ACO2: variants seen among roughly 807,000 people sequenced by gnomAD.
ACO2 encodes aconitate hydratase, mitochondrial.
Under a neutral mutation model 84.5 loss-of-function variants are expected in ACO2, and 31 were observed. The observed-to-expected ratio is 0.37, with a 90% CI of 0.28 to 0.50. The LOEUF (loss-of-function observed/expected upper bound fraction) is 0.50, where lower values mean the gene tolerates loss of function less well. Among genes scored for constraint, ACO2 ranks in the 20% least tolerant of loss-of-function variants. ACO2 has a pLI of 0.97. For missense variants in ACO2, 685 were observed against 1,029.3 expected (o/e 0.67, Z 4.58); for synonymous variants, 414 against 412.7 (o/e 1.00, Z -0.04).
At chr22:41,518,165 G>A (rs1025691526) in intron 7 of ACO2, among the ~76,000 whole-genome samples, 28 of 152,224 alleles carry the variant, frequency 1.8e-4, no homozygotes, top group African/African-American at 5.3e-4. Context: ...CCGTAAGCAC[G>A]TGGAATCCTT....
At chr22:41,487,630 A>C (rs1286335631) in intron 1 of ACO2, among the ~76,000 whole-genome samples, 2 of 152,130 alleles carry the variant, frequency 1.3e-5, no homozygotes, top group African/African-American at 4.8e-5. Flanking sequence ...CTCATCTGTC[A>C]AACAAAGAAA....
intron 9 of ACO2, chr22:41,521,336 T>A (rs993137186): frequency 1.3e-5 from 2 of 152,274 alleles, no homozygotes; most frequent in Non-Finnish European, 2.9e-5. Flanking sequence ...CTGCTGCTGC[T>A]GGGTACAGTG....
chr22:41,470,678 G>C (rs910629408), intron 1 of ACO2, among the ~76,000 whole-genome samples: 1 of 151,956 alleles, frequency 6.6e-6, no homozygotes, highest in African/African-American at 2.4e-5. Flanking sequence ...GAGTAGCTGG[G>C]ATTACAGGTG....
chr22:41,521,100 AAT>A (rs1446280219), intron 9 of ACO2, among the ~76,000 whole-genome samples: 8 of 152,106 alleles, frequency 5.3e-5, no homozygotes, highest in Non-Finnish European at 1.0e-4. Context: ...AGAAAAGAAA[AAT>A]ATGTTTATTG....
At chr22:41,484,685 C>G (rs1601885423) in intron 1 of ACO2, among the ~76,000 whole-genome samples, 1 of 151,842 alleles carries the variant, frequency 6.6e-6, no homozygotes, top group East Asian at 1.9e-4. Context: ...TAATTACATA[C>G]TTGCTATTCT....
At chr22:41,479,084 A>T (rs1305993011) in intron 1 of ACO2, among the ~76,000 whole-genome samples, 1 of 152,164 alleles carries the variant, frequency 6.6e-6, no homozygotes, top group Non-Finnish European at 1.5e-5. Flanking sequence ...TCTGTGGAAG[A>T]GCTTTTAGGG....
At position 41,500,055 on chromosome 22, in the gene ACO2, G is replaced by A. The variant is rs535692117; in HGVS notation, c.173+193G>A. 5.9e-5 allele frequency among the ~76,000 whole-genome samples: 9 copies of A among 152,262 alleles called. No homozygotes were observed. In the South Asian group the frequency reaches 1.9e-3, roughly 32 times the overall value. On this transcript the variant is annotated intron_variant, in intron 2 of 17. Transcript: ENST00000216254. ...GTAACTTCTGTCCTCTCTGCCAAGG[G>A]AGAATCTGTGTTATCAAGAAGCCTC...
chr22:41,471,078 G>C (rs2037940881), intron 1 of ACO2, among the ~76,000 whole-genome samples: 1 of 116,254 alleles, frequency 8.6e-6, no homozygotes, highest in Non-Finnish European at 1.8e-5. Context: ...CTGTGACCTT[G>C]AGTAAGTTAC....
chr22:41,474,007 A>T (rs932932837), intron 1 of ACO2, among the ~76,000 whole-genome samples: 2 of 152,154 alleles, frequency 1.3e-5, no homozygotes, highest in African/African-American at 4.8e-5. Flanking sequence ...TGATCTGATC[A>T]TCTGGGCTGC....
intron 12 of ACO2, 91 bp from the exon 13 acceptor site, chr22:41,524,755 C>T (rs1601929276): frequency 6.3e-7 from 1 of 1,579,260 alleles, no homozygotes; most frequent in East Asian, 2.3e-5. Context: ...TTCCTGGGTT[C>T]CTTTCTCAGT....
At chr22:41,471,788 C>G (rs2037949052) in intron 1 of ACO2, among the ~76,000 whole-genome samples, 1 of 152,152 alleles carries the variant, frequency 6.6e-6, no homozygotes, top group East Asian at 1.9e-4. Context: ...TGAGGCAGGC[C>G]TATTAGCCTG....
intron 2 of ACO2, among the ~76,000 whole-genome samples, chr22:41,501,915 C>T (rs1241575568): frequency 6.6e-6 from 1 of 152,182 alleles, no homozygotes; most frequent in Non-Finnish European, 1.5e-5. Context: ...ACGGCTGTGA[C>T]AGGAGTACCC....
chr22:41,493,181 C>T (rs963520499), intron 1 of ACO2, among the ~76,000 whole-genome samples: 5 of 152,108 alleles, frequency 3.3e-5, no homozygotes, highest in Admixed American at 2.6e-4. Flanking sequence ...ATGAGGGTAG[C>T]GCCCTTCTGA....
intron 1 of ACO2, among the ~76,000 whole-genome samples, chr22:41,487,596 G>A (rs2066237775): frequency 6.6e-6 from 1 of 152,096 alleles, no homozygotes; most frequent in Admixed American, 6.5e-5. Flanking sequence ...TGTTAACTAG[G>A]TATGTGACCT....
At chr22:41,489,380 C>T (rs1297178137) in intron 1 of ACO2, among the ~76,000 whole-genome samples, 4 of 152,184 alleles carry the variant, frequency 2.6e-5, no homozygotes, top group Admixed American at 6.5e-5. Context: ...ACCCAGACCA[C>T]ATTCTTAATT....
At chr22:41,499,653 A>T in intron 1 of ACO2, 73 bp from the exon 2 acceptor site, 3 of 1,530,930 alleles carry the variant, frequency 2.0e-6, no homozygotes, top group Non-Finnish European at 2.6e-6. Context: ...TTTTTTCACC[A>T]TACTGAGCTG....
At chr22:41,524,293 A>G (rs1305545643) in intron 12 of ACO2, among the ~76,000 whole-genome samples, 1 of 152,174 alleles carries the variant, frequency 6.6e-6, no homozygotes, top group Non-Finnish European at 1.5e-5. Context: ...AGTGCGTGGG[A>G]CACATGCAGT....
intron 2 of ACO2, among the ~76,000 whole-genome samples, chr22:41,502,435 T>G (rs2066359843): frequency 1.3e-5 from 2 of 152,158 alleles, no homozygotes; most frequent in South Asian, 4.1e-4. Context: ...CATAGTGCAG[T>G]CAGGACGAAG....
Position 41,524,789 on chromosome 22 carries a change from G to C in ACO2, c.1483-57G>C, listed in dbSNP as rs919678086. On this transcript the variant is annotated intron_variant, in intron 12 of 17. Coordinates refer to ENST00000216254, the MANE Select transcript of ACO2 (RefSeq NM_001098.3). The stretch of plus-strand genomic sequence containing the variant: ...GTTTTGGCCTAGGCTTTTGGTAGGT[G>C]CAGGAGACAGGAGTGGCAATTGGTG... The C allele has an allele frequency of 1.1e-5, 17 of 1,612,864 alleles. No individual in the cohort carries two copies. The African/African-American group carries it at 2.1e-4, about 20-fold the overall frequency.
Sources: gnomAD v4.1 joint callset for allele counts (sites outside exome capture counted in the v4.1 genomes callset) on GRCh38, gnomAD v4.1.1 for gene constraint, MANE v1.5 for transcripts, NCBI Gene and HGNC (gene_info 2026-07-23, HGNC 2026-07-21) for gene names.